Variants in IQSEC1 observed in about 807,000 individuals in gnomAD.
IQSEC1 encodes IQ motif and SEC7 domain-containing protein 1.
A neutral mutation model predicts 91.0 loss-of-function variants in IQSEC1; 31 were observed. The ratio of observed to expected loss-of-function variants is 0.34; its 90% confidence interval spans 0.26 to 0.46. IQSEC1 has a LOEUF of 0.46. Ranked by LOEUF, IQSEC1 falls within the 20% of genes least tolerant of loss-of-function variation. IQSEC1 has a pLI of 1.00. For synonymous variants in IQSEC1, 699 were observed against 662.6 expected (o/e 1.05, Z -0.84); for missense variants, 1,388 against 1,575.6 (o/e 0.88, Z 2.02).
intron 1 of IQSEC1, among the ~76,000 whole-genome samples, chr3:12,952,745 C>T (rs2125428530): frequency 6.6e-6 from 1 of 152,354 alleles, no homozygotes; most frequent in Non-Finnish European, 1.5e-5. Flanking sequence ...GCTGTTCCCA[C>T]TGCTCAGAGC....
intron 1 of IQSEC1, among the ~76,000 whole-genome samples, chr3:13,244,183 C>G (rs1427282751): frequency 1.3e-5 from 2 of 152,100 alleles, no homozygotes; most frequent in African/African-American, 4.8e-5. Context: ...AAGTTGATAA[C>G]AAAAAGCAAC....
intron 1 of IQSEC1, among the ~76,000 whole-genome samples, chr3:13,043,428 A>T (rs1704362685): frequency 6.6e-6 from 1 of 151,344 alleles, no homozygotes; most frequent in Non-Finnish European, 1.5e-5. Context: ...AGCCACCCTC[A>T]CCCCCATGAA....
chr3:13,177,416 A>G lies in IQSEC1; in HGVS notation c.273-13283T>C, dbSNP rs562310030. Reference sequence around the variant, plus strand: ...GAGTGCACAACTGCCCAGAAAAGGGACAGGCCAGGCGCAGCACAGAGCAGG... The same window carrying G: ...GAGTGCACAACTGCCCAGAAAAGGGGCAGGCCAGGCGCAGCACAGAGCAGG... On this transcript the variant is annotated intron_variant, in intron 1 of 15. Coordinates refer to the IQSEC1 transcript ENST00000648114. Among the ~76,000 whole-genome samples, 116 of 152,320 alleles carry G rather than the reference A, an allele frequency of 7.6e-4. 1 individual carries two copies. The highest frequency in any genetic ancestry group is 3.9e-4 in the East Asian group (2 of 5,186).
At chr3:12,969,722 C>T (rs755935555) in intron 1 of IQSEC1, among the ~76,000 whole-genome samples, 2 of 152,218 alleles carry the variant, frequency 1.3e-5, no homozygotes, top group Non-Finnish European at 2.9e-5. Flanking sequence ...GAATTTCAGG[C>T]ACTTCTCCAG....
chr3:13,169,530 G>T (rs889372109), intron 1 of IQSEC1, among the ~76,000 whole-genome samples: 1 of 152,212 alleles, frequency 6.6e-6, no homozygotes. Flanking sequence ...AGTTTGGAGG[G>T]CTCAGAAGAA....
intron 12 of IQSEC1, among the ~76,000 whole-genome samples, chr3:12,905,160 G>T (rs980105849): frequency 3.9e-5 from 6 of 152,254 alleles, no homozygotes; most frequent in Non-Finnish European, 8.8e-5. Flanking sequence ...ATGAAGTCAG[G>T]CAGGCCAGAA....
At chr3:13,104,858 C>A (rs568650683) in intron 2 of IQSEC1, among the ~76,000 whole-genome samples, 1 of 152,168 alleles carries the variant, frequency 6.6e-6, no homozygotes, top group African/African-American at 2.4e-5. Flanking sequence ...GCGTGTGCTG[C>A]GGCAGGACCA....
At chr3:13,030,643 T>G (rs2125007555) in intron 1 of IQSEC1, among the ~76,000 whole-genome samples, 1 of 152,328 alleles carries the variant, frequency 6.6e-6, no homozygotes, top group South Asian at 2.1e-4. Context: ...CAATGAGTAC[T>G]GCAAGGATGA....
intron 3 of IQSEC1, among the ~76,000 whole-genome samples, chr3:12,934,315 C>A (rs1697969828): frequency 6.6e-6 from 1 of 152,176 alleles, no homozygotes; most frequent in South Asian, 2.1e-4. Flanking sequence ...ATGCACCATT[C>A]CCCAGAGGCT....
rs1419123839 is a variant in IQSEC1 at position 12,979,151 on chromosome 3, GCT to G, written c.24-37288_24-37287del. 6.6e-6 allele frequency among the ~76,000 whole-genome samples: 1 copy of G among 152,128 alleles called. No individual in the cohort carries two copies. The highest frequency in any genetic ancestry group is 6.6e-5 in the Admixed American group (1 of 15,266). On this transcript the variant is annotated intron_variant, in intron 1 of 13. Coordinates refer to ENST00000613206, the MANE Select transcript of IQSEC1 (RefSeq NM_001134382.3). This position sits in a 1 kb window ranked among gnomAD's most constrained non-coding sequence, Gnocchi z 4.3. ...CCTGTATACATTCCAATTACTTAACGCTCTTCATTCTATCAAGAAAACTTTAT... is the reference window on the plus strand; with the variant it reads ...CCTGTATACATTCCAATTACTTAACGCTTCATTCTATCAAGAAAACTTTAT...
intron 1 of IQSEC1, among the ~76,000 whole-genome samples, chr3:13,224,987 C>CT (rs1485198307): frequency 1.3e-5 from 2 of 152,142 alleles, no homozygotes; most frequent in Non-Finnish European, 2.9e-5. Flanking sequence ...CATAGCTCCC[C>CT]TGCCCAGATA....
At chr3:13,137,000 A>T (rs528365104) in intron 2 of IQSEC1, among the ~76,000 whole-genome samples, 21 of 152,280 alleles carry the variant, frequency 1.4e-4, no homozygotes, top group Non-Finnish European at 2.6e-4. Context: ...AGCTGGACAT[A>T]GTGGCACATG....
intron 1 of IQSEC1, among the ~76,000 whole-genome samples, chr3:13,165,576 G>GTC (rs1302610244): frequency 0.027 from 3,776 of 141,248 alleles, 66 homozygotes; most frequent in Non-Finnish European, 0.039. Flanking sequence ...GTGTGTGTGT[G>GTC]TGTGTCTGTC....
At chr3:12,955,801 G>C (rs1264271951) in intron 1 of IQSEC1, among the ~76,000 whole-genome samples, 1 of 152,202 alleles carries the variant, frequency 6.6e-6, no homozygotes, top group East Asian at 1.9e-4. Context: ...GGGAGAGTTG[G>C]TCAGGAGACC....
chr3:13,171,089 A>C (rs1693599201), intron 1 of IQSEC1, among the ~76,000 whole-genome samples: 1 of 149,994 alleles, frequency 6.7e-6, no homozygotes, highest in African/African-American at 2.5e-5. Context: ...ACACAGCAAG[A>C]CTCCATCTCA....
chr3:13,114,184 G>A (rs1462470453), intron 2 of IQSEC1, among the ~76,000 whole-genome samples: 1 of 152,202 alleles, frequency 6.6e-6, no homozygotes, highest in East Asian at 1.9e-4. Context: ...GTCTGAAGGA[G>A]AACCCACGCA....
At chr3:13,098,702 G>A (rs1706006182) in intron 2 of IQSEC1, among the ~76,000 whole-genome samples, 2 of 152,164 alleles carry the variant, frequency 1.3e-5, no homozygotes, top group Admixed American at 1.3e-4. Context: ...GTCACACAAG[G>A]CCAGTGTATA....
chr3:13,206,121 C>G (rs938093514), intron 1 of IQSEC1, among the ~76,000 whole-genome samples: 1 of 150,604 alleles, frequency 6.6e-6, no homozygotes, highest in African/African-American at 2.4e-5. Flanking sequence ...AGCTCTCCAT[C>G]CATCCACTCA....
At chr3:13,117,569 C>CAA (rs34002295) in intron 2 of IQSEC1, among the ~76,000 whole-genome samples, 665 of 9,464 alleles carry the variant, frequency 0.07, 207 homozygotes, top group Non-Finnish European at 0.087. Context: ...GACTCCGTCT[C>CAA]AAAAAAAAAA....
Sources: gnomAD v4.1 joint callset for allele counts (sites outside exome capture counted in the v4.1 genomes callset) on GRCh38, gnomAD v4.1.1 for gene constraint, Gnocchi (gnomAD v3.1) non-coding constraint, MANE v1.5 for transcripts, NCBI Gene and HGNC (gene_info 2026-07-23, HGNC 2026-07-21) for gene names.